Variants in C1orf105 observed in about 807,000 individuals in gnomAD.
C1orf105 encodes uncharacterized protein C1orf105.
A neutral mutation model predicts 20.8 loss-of-function variants in C1orf105; 17 were observed. The ratio of observed to expected loss-of-function variants is 0.82; its 90% confidence interval spans 0.56 to 1.23. The LOEUF is 1.23. C1orf105 is among the 50% of genes most tolerant of loss of function. The pLI is 0.00. For missense variants in C1orf105, 219 were observed against 213.5 expected (o/e 1.03, Z -0.16); for synonymous variants, 72 against 72.1 (o/e 1.00, Z 0.01).
chr1:172,465,196 T>A, intron 5 of C1orf105, 103 bp from the exon 6 acceptor site: 1 of 443,726 alleles, frequency 2.3e-6, no homozygotes, highest in Non-Finnish European at 3.5e-6. Context: ...ATAATAATAA[T>A]AAATAATAAT....
intron 3 of C1orf105, chr1:172,452,933 G>C (rs1268131194): frequency 6.5e-7 from 1 of 1,527,880 alleles, no homozygotes; most frequent in Non-Finnish European, 8.8e-7. Context: ...TGCTGAGCTG[G>C]TCGTAAGGAA....
intron 1 of C1orf105, among the ~76,000 whole-genome samples, chr1:172,430,731 G>T (rs537914046): frequency 1.0e-3 from 155 of 152,210 alleles, no homozygotes; most frequent in Non-Finnish European, 1.7e-3. Flanking sequence ...GTGAGCCATT[G>T]CGCCCAGCCA....
chr1:172,439,781 T>G (rs572292338), intron 1 of C1orf105, among the ~76,000 whole-genome samples: 17 of 152,310 alleles, frequency 1.1e-4, no homozygotes, highest in African/African-American at 4.1e-4. Context: ...AAACAAAAAC[T>G]ACAATTTCAT....
intron 1 of C1orf105, among the ~76,000 whole-genome samples, chr1:172,428,434 G>A (rs896771478): frequency 4.6e-5 from 7 of 152,088 alleles, no homozygotes; most frequent in East Asian, 1.9e-4. Flanking sequence ...AGCTTCCCAC[G>A]TTACCTCTAC....
At chr1:172,432,063 G>A (rs549297645) in intron 1 of C1orf105, among the ~76,000 whole-genome samples, 1 of 152,336 alleles carries the variant, frequency 6.6e-6, no homozygotes, top group East Asian at 1.9e-4. Flanking sequence ...ACTGAGGCTT[G>A]AGTAGGTAAA....
At chr1:172,426,037 T>C (rs960082207) in intron 1 of C1orf105, among the ~76,000 whole-genome samples, 3 of 152,146 alleles carry the variant, frequency 2.0e-5, no homozygotes, top group Admixed American at 2.0e-4. Flanking sequence ...TATGTTCCTA[T>C]TCTGTCTTCC....
chr1:172,427,512 T>C (rs980467073), intron 1 of C1orf105, among the ~76,000 whole-genome samples: 3 of 152,250 alleles, frequency 2.0e-5, no homozygotes, highest in African/African-American at 4.8e-5. Context: ...AAGCTGTCTA[T>C]ACTTGCTGCT....
At chr1:172,440,459 G>C (rs1224893079) in intron 1 of C1orf105, among the ~76,000 whole-genome samples, 1 of 152,218 alleles carries the variant, frequency 6.6e-6, no homozygotes, top group Non-Finnish European at 1.5e-5. Context: ...CACAATTCTA[G>C]AGGTAGATAC....
intron 1 of C1orf105, among the ~76,000 whole-genome samples, chr1:172,438,218 C>G (rs190399304): frequency 8.5e-4 from 130 of 152,270 alleles, no homozygotes; most frequent in Non-Finnish European, 1.3e-3. Context: ...GTCCATGGAT[C>G]AAAGAGTAAT....
At chr1:172,445,989 C>T (rs1278628713) in intron 2 of C1orf105, among the ~76,000 whole-genome samples, 1 of 152,166 alleles carries the variant, frequency 6.6e-6, no homozygotes, top group African/African-American at 2.4e-5. Flanking sequence ...TACCCTCCTG[C>T]CCATGGATAA....
chr1:172,455,923 G>A lies in C1orf105; in HGVS notation c.199-492G>A, dbSNP rs545092926. 2.0e-5 allele frequency among the ~76,000 whole-genome samples: 3 copies of A among 152,244 alleles called. No individual in the cohort carries two copies. The South Asian group carries it at 6.2e-4, about 32-fold the overall frequency. Reference sequence around the variant, plus strand: ...GAGTTAAGGCATGAGAAAGGAAGGCGATGCTTAGGAAAGGCCCGTGAAAAA... The same window carrying A: ...GAGTTAAGGCATGAGAAAGGAAGGCAATGCTTAGGAAAGGCCCGTGAAAAA... On this transcript the variant is annotated intron_variant, in intron 3 of 6. Coordinates refer to ENST00000367727, the MANE Select transcript of C1orf105 (RefSeq NM_139240.4).
At chr1:172,441,955 C>T (rs767621330) in intron 1 of C1orf105, 8 of 1,614,050 alleles carry the variant, frequency 5.0e-6, no homozygotes, top group Middle Eastern at 1.6e-4. Flanking sequence ...CCGGGGAGTA[C>T]ATGCCTTTAG....
intron 3 of C1orf105, among the ~76,000 whole-genome samples, chr1:172,449,198 G>A (rs1480829555): frequency 1.3e-5 from 2 of 152,152 alleles, no homozygotes; most frequent in East Asian, 3.9e-4. Context: ...CAATTATTAG[G>A]AGCCCTGGTG....
chr1:172,460,833 A>C (rs1649639137), intron 4 of C1orf105, among the ~76,000 whole-genome samples: 1 of 152,230 alleles, frequency 6.6e-6, no homozygotes, highest in East Asian at 1.9e-4. Context: ...AGGGTTTTCA[A>C]GAATGAATAG....
At chr1:172,450,523 G>C (rs1326862493) in intron 3 of C1orf105, among the ~76,000 whole-genome samples, 2 of 152,228 alleles carry the variant, frequency 1.3e-5, no homozygotes, top group Non-Finnish European at 2.9e-5. Context: ...CAAGGGAGTA[G>C]AATGTACTGT....
rs80221929 is a variant in C1orf105 at position 172,421,729 on chromosome 1, G to A, written c.21+823G>A. Among the ~76,000 whole-genome samples the A allele has an allele frequency of 3.2e-3, 483 of 152,216 alleles. 5 individuals carry two copies. Among genetic ancestry groups the A allele is most frequent in the African/African-American group, 0.011 (468 of 41,528 alleles). ...GATCACAGTACCTGGTTTTAACTTC[G>A]TATTGTTGAAAGAAGCACTGAGGAA... On this transcript the variant is annotated intron_variant, in intron 1 of 6. Transcript: ENST00000367727.
At chr1:172,448,785 G>A (rs1050215612) in intron 3 of C1orf105, among the ~76,000 whole-genome samples, 1 of 152,148 alleles carries the variant, frequency 6.6e-6, no homozygotes, top group Admixed American at 6.5e-5. Context: ...AATTAGTATG[G>A]AGGAATCTGC....
chr1:172,425,148 C>A (rs9425314), intron 1 of C1orf105, among the ~76,000 whole-genome samples: 105,236 of 152,102 alleles, frequency 0.69, 40,471 homozygotes, highest in East Asian at 1. Context: ...ATTCTCAATG[C>A]CAGTTGGTTC....
At chr1:172,440,266 A>T (rs972429140) in intron 1 of C1orf105, among the ~76,000 whole-genome samples, 1 of 152,262 alleles carries the variant, frequency 6.6e-6, no homozygotes, top group African/African-American at 2.4e-5. Flanking sequence ...CACAGGAATA[A>T]CCAGCTATCT....
Sources: allele counts gnomAD v4.1 joint callset (sites outside exome capture counted in the v4.1 genomes callset), GRCh38; gene constraint gnomAD v4.1.1; transcripts MANE v1.5; gene names NCBI Gene and HGNC (gene_info 2026-07-23, HGNC 2026-07-21).